KIDINS220: variants seen among roughly 807,000 people sequenced by gnomAD.
KIDINS220 encodes the protein kinase D-interacting substrate of 220 kDa.
Under a neutral mutation model 157.6 loss-of-function variants are expected in KIDINS220, and 63 were observed. The observed-to-expected ratio is 0.40, with a 90% CI of 0.33 to 0.49. KIDINS220 has a LOEUF of 0.49. Ranked by LOEUF, KIDINS220 falls within the 20% of genes least tolerant of loss-of-function variation. The pLI, the probability that KIDINS220 is intolerant of heterozygous loss-of-function variation, is 0.66. For missense variants in KIDINS220, 1,772 were observed against 2,171.2 expected, an observed-to-expected ratio of 0.82 and a Z score of 3.65; for synonymous variants, 732 against 783.6, an observed-to-expected ratio of 0.93 and a Z score of 1.10.
At chr2:8,778,604 T>A in intron 20 of KIDINS220, 35 bp downstream of exon 20, 1 of 1,339,920 alleles carries the variant, frequency 7.5e-7, no homozygotes, top group African/African-American at 1.4e-5. Flanking sequence ...TGAATAGCAA[T>A]ACAAACATAC....
At chr2:8,756,512 G>A (rs1434683717) in intron 22 of KIDINS220, among the ~76,000 whole-genome samples, 1 of 152,170 alleles carries the variant, frequency 6.6e-6, no homozygotes, top group Non-Finnish European at 1.5e-5. Flanking sequence ...GTTAACTCAG[G>A]CTGCTATAAC....
At chr2:8,778,392 G>A (rs1027846696) in intron 20 of KIDINS220, among the ~76,000 whole-genome samples, 1 of 152,182 alleles carries the variant, frequency 6.6e-6, no homozygotes, top group Non-Finnish European at 1.5e-5. Context: ...CAAGCTTTAA[G>A]ATCCCAGGGA....
rs369409976 is a variant in KIDINS220 at position 8,825,372 on chromosome 2, C to CAAAAAAAAAAAAAGA, written c.108+1613_108+1614insTCTTTTTTTTTTTTT. Among the ~76,000 whole-genome samples the CAAAAAAAAAAAAAGA allele has an allele frequency of 6.9e-4, 75 of 108,252 alleles. 3 individuals are homozygous for CAAAAAAAAAAAAAGA. Among genetic ancestry groups the CAAAAAAAAAAAAAGA allele is most frequent in the Middle Eastern group, 0.01 (2 of 196 alleles). The allele number at this position is 108,252 out of a possible 152,430, so 71.0% of individuals were successfully genotyped here. ...TGGGTGACAGAGTGAGACTCCGTCT[C>CAAAAAAAAAAAAAGA]AAAAAAAAAAAAGAAAAAGTTCTGG... On this transcript the variant is annotated intron_variant, in intron 2 of 29. Transcript: ENST00000256707.
chr2:8,815,505 T>C (rs1676943555), intron 4 of KIDINS220, among the ~76,000 whole-genome samples: 1 of 151,918 alleles, frequency 6.6e-6, no homozygotes, highest in Non-Finnish European at 1.5e-5. Context: ...CTGTCTCTAC[T>C]AAAAATACAA....
In KIDINS220 at chr2:8,813,333, T is replaced by G; in HGVS notation, c.309A>C (p.Gly103=). The part of the protein sequence containing the change: ...CGVNLEHRDM[G]GWTALMWACY... Reference sequence around the variant, plus strand: ...ATGCCCACATAAGAGCTGTCCATCCTCCCTAAACAAAAAATGTAGGGGTAA... The same window carrying G: ...ATGCCCACATAAGAGCTGTCCATCCGCCCTAAACAAAAAATGTAGGGGTAA... Residue 103 remains glycine (G), a splice_region_variant and synonymous_variant, in exon 5 of 30, where the codon GGA becomes GGC. Transcript: ENST00000256707. 1 of 1,605,566 alleles carries G rather than the reference T, an allele frequency of 6.2e-7. No homozygotes were observed. The highest frequency in any genetic ancestry group is 1.1e-5 in the South Asian group (1 of 89,290).
intron 22 of KIDINS220, among the ~76,000 whole-genome samples, chr2:8,760,265 T>C (rs1436269791): frequency 6.6e-6 from 1 of 152,248 alleles, no homozygotes; most frequent in Non-Finnish European, 1.5e-5. Context: ...CATGCACATA[T>C]TTAATTTCCT....
At chr2:8,781,298 A>G (rs1671699979) in intron 17 of KIDINS220, among the ~76,000 whole-genome samples, 1 of 151,864 alleles carries the variant, frequency 6.6e-6, no homozygotes, top group Non-Finnish European at 1.5e-5. Context: ...AAGAAGAAAT[A>G]GATAAATCCA....
intron 25 of KIDINS220, 53 bp downstream of exon 25, chr2:8,747,834 C>T: frequency 2.6e-6 from 3 of 1,141,368 alleles, no homozygotes; most frequent in Middle Eastern, 2.0e-4. Context: ...ACCTCAAATG[C>T]TATCTATGTT....
At chr2:8,780,520 CTG>C (rs34620607) in intron 17 of KIDINS220, among the ~76,000 whole-genome samples, 113,286 of 148,900 alleles carry the variant, frequency 0.76, 43,357 homozygotes, top group African/African-American at 0.89. Flanking sequence ...GTGTGTGTGT[CTG>C]TGTGTGTGTG....
chr2:8,751,744 T>C, intron 22 of KIDINS220, 100 bp from the exon 23 acceptor site: 1 of 796,566 alleles, frequency 1.3e-6, no homozygotes, highest in South Asian at 1.8e-5. Context: ...TTACACATCT[T>C]GGTCTGATGG....
chr2:8,747,092 G>T, intron 26 of KIDINS220, 53 bp downstream of exon 26: 1 of 1,492,354 alleles, frequency 6.7e-7, no homozygotes, highest in Non-Finnish European at 9.4e-7. Flanking sequence ...AGTCATTACT[G>T]AGGCAGAAGC....
At chr2:8,802,459 C>T (rs1674855497) in intron 8 of KIDINS220, among the ~76,000 whole-genome samples, 2 of 152,170 alleles carry the variant, frequency 1.3e-5, no homozygotes, top group African/African-American at 4.8e-5. Context: ...GAAATCAAGG[C>T]TAATGCACAG....
chr2:8,782,953 G>C (rs2148229410), intron 17 of KIDINS220, among the ~76,000 whole-genome samples: 1 of 152,272 alleles, frequency 6.6e-6, no homozygotes, highest in African/African-American at 2.4e-5. Flanking sequence ...CAGCACTTTG[G>C]GAGGCCGAGG....
intron 17 of KIDINS220, 100 bp from the exon 18 acceptor site, chr2:8,779,914 G>A: frequency 7.8e-7 from 1 of 1,276,084 alleles, no homozygotes; most frequent in Non-Finnish European, 1.1e-6. Context: ...AATAGGAACA[G>A]AAGACATTCA....
At chr2:8,806,648 T>C (rs931080915) in intron 6 of KIDINS220, among the ~76,000 whole-genome samples, 13 of 152,222 alleles carry the variant, frequency 8.5e-5, no homozygotes. Flanking sequence ...TAGTGCAATC[T>C]TGGCTCACTG....
intron 22 of KIDINS220, among the ~76,000 whole-genome samples, chr2:8,754,876 T>C (rs1273706930): frequency 1.3e-5 from 2 of 152,230 alleles, no homozygotes; most frequent in East Asian, 3.8e-4. Context: ...TTTAGTAGGA[T>C]GTTAAAAAAT....
At chr2:8,832,283 G>A (rs1679752723) in intron 1 of KIDINS220, among the ~76,000 whole-genome samples, 1 of 152,124 alleles carries the variant, frequency 6.6e-6, no homozygotes, top group Admixed American at 6.5e-5. Flanking sequence ...TTTGACTAGA[G>A]GGCACTGACA....
intron 26 of KIDINS220, among the ~76,000 whole-genome samples, chr2:8,743,852 A>G (rs942726258): frequency 2.0e-5 from 3 of 152,130 alleles, no homozygotes; most frequent in Non-Finnish European, 4.4e-5. Flanking sequence ...AAAAGCTTCT[A>G]TGCTTTGGAA....
chr2:8,788,619 A>G (rs1340147235), intron 15 of KIDINS220, 28 bp downstream of exon 15: 1 of 1,593,710 alleles, frequency 6.3e-7, no homozygotes, highest in Non-Finnish European at 8.5e-7. Flanking sequence ...CTCATTGAAG[A>G]TTTCTTCTGT....
Sources: allele counts gnomAD v4.1 joint callset (sites outside exome capture counted in the v4.1 genomes callset), GRCh38; gene constraint gnomAD v4.1.1; transcripts MANE v1.5; gene names NCBI Gene and HGNC (gene_info 2026-07-23, HGNC 2026-07-21).